The following KL variants were observed in gnomAD, a reference collection of about 807,000 sequenced individuals.
The protein encoded by KL is alpha-klotho.
In KL, 62 loss-of-function variants were observed where a neutral mutation model predicts 84.2. That is an observed-to-expected ratio of 0.74 (90% CI 0.60 to 0.91). The LOEUF (loss-of-function observed/expected upper bound fraction) is 0.91. KL is among the 40% of genes least tolerant of loss of function. KL has a pLI of 0.00. For synonymous variants in KL, 528 were observed against 528.0 expected (o/e 1.00, Z 0.00); for missense variants, 1,261 against 1,305.7 (o/e 0.97, Z 0.53).
In KL at chr13:33,063,908, A is replaced by C; in HGVS notation, c.2761A>C (p.Thr921Pro). The change falls in exon 5 of 5, where the codon ACA (threonine) becomes CCA (proline). Residue 921 changes from threonine to proline, a missense_variant. Thr to Pro is a conservative substitution (Grantham distance 38). Coordinates refer to ENST00000380099, the MANE Select transcript of KL (RefSeq NM_004795.4). The part of the protein sequence containing the change: ...GYFAYSFNDR[T>P]APRFGLYRYA... ...CTTTGCTTATTCGTTTAACGACCGCACAGCTCCGAGGTTTGGCCTCTATCG... is the reference window on the plus strand; with the variant it reads ...CTTTGCTTATTCGTTTAACGACCGCCCAGCTCCGAGGTTTGGCCTCTATCG... The C allele has an allele frequency of 6.2e-7, 1 of 1,614,208 alleles. No individual in the cohort carries two copies. Among genetic ancestry groups the C allele is most frequent in the Non-Finnish European group, 8.5e-7 (1 of 1,180,046 alleles).
chr13:33,039,792 G>C (rs1009947520), intron 1 of KL, among the ~76,000 whole-genome samples: 17 of 152,182 alleles, frequency 1.1e-4, no homozygotes, highest in African/African-American at 4.1e-4. Context: ...CGTAGGTACA[G>C]CCCTGGATGA....
chr13:33,034,571 C>T (rs949078330), intron 1 of KL, among the ~76,000 whole-genome samples: 1 of 152,150 alleles, frequency 6.6e-6, no homozygotes, highest in Non-Finnish European at 1.5e-5. Context: ...TGTATCTCCT[C>T]TCCGTGGCAC....
chr13:33,040,884 C>G (rs1419327062), intron 1 of KL, among the ~76,000 whole-genome samples: 2 of 152,128 alleles, frequency 1.3e-5, no homozygotes, highest in Non-Finnish European at 2.9e-5. Flanking sequence ...CTTGATTCCT[C>G]TTCCCCTCCT....
chr13:33,044,271 A>G (rs1566504348), intron 1 of KL, among the ~76,000 whole-genome samples: 1 of 152,078 alleles, frequency 6.6e-6, no homozygotes, highest in African/African-American at 2.4e-5. Context: ...GAATGTTTCA[A>G]CTGTGTTTTT....
chr13:33,034,020 A>C (rs1460665959), intron 1 of KL, among the ~76,000 whole-genome samples: 1 of 152,150 alleles, frequency 6.6e-6, no homozygotes. Context: ...ATCCCCAGAC[A>C]GAAGCTGTTT....
In KL at chr13:33,053,747, C is replaced by G; in HGVS notation, c.820-20C>G. The G allele has an allele frequency of 1.2e-6, 2 of 1,612,580 alleles. No individual in the cohort carries two copies. The highest frequency in any genetic ancestry group is 1.7e-6 in the Non-Finnish European group (2 of 1,178,848). On this transcript the variant is annotated intron_variant, in intron 1 of 4. Coordinates refer to ENST00000380099, the MANE Select transcript of KL (RefSeq NM_004795.4). ...TCCTCACAACTAGAGATAAATTTGC[C>G]ATGGTTTTTCTCTTCATAGGCTCAT...
intron 1 of KL, among the ~76,000 whole-genome samples, chr13:33,027,019 C>T (rs774990018): frequency 2.0e-5 from 3 of 152,164 alleles, no homozygotes; most frequent in Non-Finnish European, 2.9e-5. Flanking sequence ...GCAACTTTAC[C>T]GCGTCTCCTG....
intron 1 of KL, among the ~76,000 whole-genome samples, chr13:33,052,896 C>T (rs1371624230): frequency 6.6e-6 from 1 of 152,102 alleles, no homozygotes; most frequent in Non-Finnish European, 1.5e-5. Context: ...GAAAGAGAAA[C>T]TCACTTCAAG....
rs1870331359 is a variant in KL at position 33,016,477 on chromosome 13, C to CCGCCGCCGT, written c.41_49dup (p.Pro14_Ser16dup). The CCGCCGCCGT allele has an allele frequency of 9.1e-7, 1 of 1,101,184 alleles. No homozygotes were observed. The highest frequency in any genetic ancestry group is 1.7e-5 in the African/African-American group (1 of 59,782). 68.2% of individuals were successfully genotyped at this position (1,101,184 alleles called of 1,614,324 possible). A position where few individuals can be genotyped will look rare whatever the true frequency, so the allele number is the denominator to read the frequency against. On this transcript the variant is annotated inframe_insertion, in exon 1 of 5. Coordinates refer to ENST00000380099, the MANE Select transcript of KL (RefSeq NM_004795.4). ...CGCCCCGCCGCGCCGCCCGCGGCCG[C>CCGCCGCCGT]CGCCGCCGTCGCTGTCGCTGCTGCT...
At chr13:33,045,936 A>T (rs182080699) in intron 1 of KL, among the ~76,000 whole-genome samples, 14 of 152,210 alleles carry the variant, frequency 9.2e-5, no homozygotes, top group African/African-American at 3.4e-4. Context: ...CTATTGATGT[A>T]ATGCATTACA....
chr13:33,019,132 T>C (rs2283368), intron 1 of KL, among the ~76,000 whole-genome samples: 22,402 of 152,148 alleles, frequency 0.15, 1,835 homozygotes, highest in South Asian at 0.25. Flanking sequence ...AACAAACTGT[T>C]AGTTGGTGTA....
At chr13:33,063,034 C>A (rs187562021) in intron 4 of KL, among the ~76,000 whole-genome samples, 3 of 151,858 alleles carry the variant, frequency 2.0e-5, no homozygotes, top group African/African-American at 7.3e-5. Flanking sequence ...AGTTTTGGGC[C>A]CTCTGACGTC....
At chr13:33,059,398 TA>T (rs556168409) in intron 3 of KL, among the ~76,000 whole-genome samples, 5 of 152,312 alleles carry the variant, frequency 3.3e-5, no homozygotes, top group African/African-American at 1.2e-4. Context: ...TTAACTACGT[TA>T]AAAATTCCAC....
intron 1 of KL, among the ~76,000 whole-genome samples, chr13:33,020,350 C>A (rs2238165): frequency 0.14 from 20,990 of 152,046 alleles, 1,580 homozygotes; most frequent in East Asian, 0.3. Flanking sequence ...GTCTCCTTTG[C>A]TTGTTCCTCC....
rs747563071 is a variant in KL at position 33,061,400 on chromosome 13, T to C, written c.2321T>C (p.Met774Thr). 1 of 1,614,056 alleles carries C rather than the reference T, an allele frequency of 6.2e-7. No homozygotes were observed. Among genetic ancestry groups the C allele is most frequent in the African/African-American group, 1.3e-5 (1 of 74,920 alleles). Reference protein sequence around the residue: ...IFGSGDYPWVMRDWLNQRNNF... With the variant: ...IFGSGDYPWVTRDWLNQRNNF... Reference sequence around the variant, plus strand: ...GGCTCTGGAGATTATCCATGGGTGATGAGGGACTGGCTGAACCAAAGAAAC... The same window carrying C: ...GGCTCTGGAGATTATCCATGGGTGACGAGGGACTGGCTGAACCAAAGAAAC... Residue 774 changes from methionine (M) to threonine (T), a missense_variant, in exon 4 of 5, where the codon ATG becomes ACG. Physicochemically the swap from Met to Thr is moderately conservative, Grantham distance 81. Transcript: ENST00000380099.
In KL at chr13:33,063,990, T is replaced by C. The variant is rs1170935549; in HGVS notation, c.2843T>C (p.Ile948Thr). The change falls in exon 5 of 5, where the codon ATT becomes ACT. Residue 948 changes from isoleucine (I) to threonine (T), a missense_variant. Coordinates refer to ENST00000380099, the MANE Select transcript of KL (RefSeq NM_004795.4). ...KASMKHYRKI[I>T]DSNGFPGPET... ...TCCATGAAACATTACAGGAAAATTA[T>C]TGACAGCAATGGTTTCCCGGGCCCA... 8 of 1,614,188 alleles carry C rather than the reference T, an allele frequency of 5.0e-6. No homozygotes were observed. Among genetic ancestry groups the C allele is most frequent in the Non-Finnish European group, 6.8e-6 (8 of 1,180,030 alleles).
intron 3 of KL, among the ~76,000 whole-genome samples, chr13:33,060,353 A>C (rs1872128463): frequency 6.6e-6 from 1 of 152,214 alleles, no homozygotes; most frequent in Admixed American, 6.5e-5. Context: ...AAAAACACCC[A>C]AAAATACTCT....
chr13:33,049,913 A>G (rs769265822), intron 1 of KL, among the ~76,000 whole-genome samples: 11 of 152,214 alleles, frequency 7.2e-5, no homozygotes, highest in Non-Finnish European at 1.3e-4. Context: ...ACCACCCACA[A>G]TCCTGCTGTA....
At chr13:33,032,586 C>T (rs480830) in intron 1 of KL, among the ~76,000 whole-genome samples, 69,435 of 151,068 alleles carry the variant, frequency 0.46, 17,368 homozygotes, top group Middle Eastern at 0.56. Context: ...GACTTCTTTT[C>T]TTCTTCTTCT....
Sources: allele counts gnomAD v4.1 joint callset (sites outside exome capture counted in the v4.1 genomes callset), GRCh38; gene constraint gnomAD v4.1.1; transcripts MANE v1.5; gene names NCBI Gene and HGNC (gene_info 2026-07-23, HGNC 2026-07-21).